The following SPTLC1 variants were observed in gnomAD, a reference collection of about 807,000 sequenced individuals.
SPTLC1 encodes the protein serine palmitoyltransferase long chain base subunit 1.
SPTLC1 carries 55 observed loss-of-function variants against 68.9 expected under a neutral mutation model. The observed-to-expected ratio is 0.80, with a 90% CI of 0.64 to 1.00. SPTLC1 has a LOEUF of 1.00. Ranked by LOEUF, SPTLC1 falls within the 50% of genes least tolerant of loss-of-function variation. The probability of loss-of-function intolerance (pLI) is 0.00; values close to 1 mark genes in which losing one functional copy is unlikely to be tolerated. For missense variants in SPTLC1, 449 were observed against 573.1 expected (o/e 0.78, Z 2.21); for synonymous variants, 197 against 201.6 (o/e 0.98, Z 0.19).
At chr9:92,036,127 C>T (rs947080518) in intron 13 of SPTLC1, among the ~76,000 whole-genome samples, 3 of 152,124 alleles carry the variant, frequency 2.0e-5, no homozygotes, top group African/African-American at 4.8e-5. Context: ...TGCACAGAAG[C>T]GGGAAGATAT....
chr9:92,047,170 A>C lies in SPTLC1; in HGVS notation c.1081+2T>G. The C allele has an allele frequency of 6.2e-7, 1 of 1,611,448 alleles. No homozygotes were observed. On this transcript the variant is annotated splice_donor_variant, in intron 11 of 14. Transcript: ENST00000262554. LOFTEE classifies it high-confidence loss of function. ...ATTCCTTGGGTTTTTAAAGGGTTATACCTGGATTCTCTTCCATGATGTTGA... is the reference window on the plus strand; with the variant it reads ...ATTCCTTGGGTTTTTAAAGGGTTATCCCTGGATTCTCTTCCATGATGTTGA...
intron 5 of SPTLC1, among the ~76,000 whole-genome samples, chr9:92,077,206 T>C (rs569099853): frequency 2.2e-4 from 34 of 152,078 alleles, no homozygotes; most frequent in African/African-American, 2.4e-5. Flanking sequence ...CGGCCGCACC[T>C]TTCTGCTGGG....
At chr9:92,081,114 G>A (rs1834870226) in intron 3 of SPTLC1, 151 bp from the exon 4 acceptor site, 1 of 647,996 alleles carries the variant, frequency 1.5e-6, no homozygotes. Context: ...AGTAATATTA[G>A]AGCATGGTAC....
intron 12 of SPTLC1, among the ~76,000 whole-genome samples, chr9:92,039,377 A>C (rs1398148643): frequency 6.6e-6 from 1 of 151,978 alleles, no homozygotes; most frequent in Admixed American, 6.6e-5. Context: ...TTAATCCTGT[A>C]TTTTTACTAC....
intron 9 of SPTLC1, 103 bp downstream of exon 9, chr9:92,049,857 T>C: frequency 3.4e-6 from 3 of 884,460 alleles, no homozygotes; most frequent in Non-Finnish European, 5.8e-6. Context: ...CCCTTCAAAC[T>C]GATAAGGAAC....
At chr9:92,103,678 G>A (rs1237718114) in intron 3 of SPTLC1, among the ~76,000 whole-genome samples, 1 of 152,246 alleles carries the variant, frequency 6.6e-6, no homozygotes, top group Non-Finnish European at 1.5e-5. Context: ...GGTGGCCCTT[G>A]AGGCCACGGC....
chr9:92,113,495 G>C (rs1275306494), intron 1 of SPTLC1, among the ~76,000 whole-genome samples: 1 of 152,170 alleles, frequency 6.6e-6, no homozygotes, highest in Non-Finnish European at 1.5e-5. Context: ...ACATACAGGA[G>C]TTCTCCCAAG....
At chr9:92,094,773 C>G (rs1159356976) in intron 3 of SPTLC1, among the ~76,000 whole-genome samples, 3 of 152,244 alleles carry the variant, frequency 2.0e-5, no homozygotes, top group Non-Finnish European at 4.4e-5. Context: ...TTGTCATCCT[C>G]TGCCTCTGCT....
intron 3 of SPTLC1, among the ~76,000 whole-genome samples, chr9:92,095,355 T>G (rs536932681): frequency 6.6e-5 from 10 of 152,332 alleles, no homozygotes; most frequent in Non-Finnish European, 1.5e-4. Context: ...CAGTATCCTA[T>G]TCCTGGTTCT....
Position 92,115,003 on chromosome 9 carries a change from C to T in SPTLC1, c.57+311G>A, listed in dbSNP as rs117841373. ...ATTTTCACCACTCCGTTTTATCGTC[C>T]GTCTAAACTCTGGTTTTTGCAGACC... is the stretch of plus-strand genomic sequence containing the variant. On this transcript the variant is annotated intron_variant, in intron 1 of 14. Coordinates refer to ENST00000262554, the MANE Select transcript of SPTLC1 (RefSeq NM_006415.4). 2.3e-3 allele frequency: 1,086 copies of T among 476,262 alleles called. 16 individuals are homozygous for T. In the East Asian group the frequency reaches 0.039, roughly 17 times the overall value. 29.5% of individuals were successfully genotyped at this position (476,262 alleles called of 1,614,324 possible). A position where few individuals can be genotyped will look rare whatever the true frequency, so the allele number is the denominator to read the frequency against.
At chr9:92,075,751 G>A (rs919252932) in intron 5 of SPTLC1, among the ~76,000 whole-genome samples, 9 of 151,932 alleles carry the variant, frequency 5.9e-5, no homozygotes, top group African/African-American at 1.9e-4. Flanking sequence ...ACATACTCTC[G>A]GCTCCCCACC....
At chr9:92,089,894 C>T (rs1475460681) in intron 3 of SPTLC1, among the ~76,000 whole-genome samples, 2 of 152,308 alleles carry the variant, frequency 1.3e-5, no homozygotes, top group East Asian at 3.9e-4. Context: ...ACACAGTCTC[C>T]CCATAACACA....
At chr9:92,055,117 T>A in intron 8 of SPTLC1, 1 of 590,942 alleles carries the variant, frequency 1.7e-6, no homozygotes, top group Non-Finnish European at 2.1e-6. Flanking sequence ...CCCAGCTAAC[T>A]CAGAAAGCTA....
At chr9:92,057,273 C>T (rs1411934007) in intron 7 of SPTLC1, among the ~76,000 whole-genome samples, 1 of 152,014 alleles carries the variant, frequency 6.6e-6, no homozygotes, top group Non-Finnish European at 1.5e-5. Flanking sequence ...TAGTTGTTTC[C>T]TTCATTTGCT....
chr9:92,083,219 T>G (rs1834963522), intron 3 of SPTLC1, among the ~76,000 whole-genome samples: 1 of 152,222 alleles, frequency 6.6e-6, no homozygotes. Context: ...TAGTTTCTTT[T>G]GCTGTGCAGA....
chr9:92,039,894 G>T (rs1275711866), intron 12 of SPTLC1, among the ~76,000 whole-genome samples: 1 of 152,150 alleles, frequency 6.6e-6, no homozygotes, highest in East Asian at 1.9e-4. Context: ...CAGGCTACAG[G>T]TCTGAATCAT....
chr9:92,036,365 C>T (rs986678949), intron 13 of SPTLC1, among the ~76,000 whole-genome samples: 6 of 152,178 alleles, frequency 3.9e-5, no homozygotes, highest in African/African-American at 1.2e-4. Context: ...TTGCTTCATT[C>T]GCACGTCCTC....
At chr9:92,069,202 G>A (rs1334117920) in intron 5 of SPTLC1, among the ~76,000 whole-genome samples, 1 of 152,244 alleles carries the variant, frequency 6.6e-6, no homozygotes, top group Admixed American at 6.5e-5. Flanking sequence ...GGGCAGCAGA[G>A]AGGGCTGACG....
chr9:92,065,521 TA>T (rs548936800), intron 6 of SPTLC1, among the ~76,000 whole-genome samples: 29 of 145,936 alleles, frequency 2.0e-4, no homozygotes, highest in Admixed American at 4.1e-4. Flanking sequence ...TCCTAGCAGT[TA>T]AAAAAAAAAA....
Sources: gnomAD v4.1 joint callset for allele counts (sites outside exome capture counted in the v4.1 genomes callset) on GRCh38, gnomAD v4.1.1 for gene constraint, MANE v1.5 for transcripts, NCBI Gene and HGNC (gene_info 2026-07-23, HGNC 2026-07-21) for gene names.